The following SENP7 variants were observed in gnomAD, a reference collection of about 807,000 sequenced individuals.
SENP7 encodes the protein sentrin-specific protease 7.
Under a neutral mutation model 141.2 loss-of-function variants are expected in SENP7, and 64 were observed. The ratio of observed to expected loss-of-function variants is 0.45; its 90% CI spans 0.37 to 0.56. SENP7 has a LOEUF of 0.56. Among genes scored for constraint, SENP7 ranks in the 20% least tolerant of loss-of-function variants. The pLI is 0.00. For synonymous variants in SENP7, 382 were observed against 426.4 expected (o/e 0.90, Z 1.28); for missense variants, 1,025 against 1,212.2 (o/e 0.85, Z 2.29).
intron 11 of SENP7, 45 bp from the exon 12 acceptor site, chr3:101,351,696 T>C: frequency 1.6e-6 from 2 of 1,274,670 alleles, no homozygotes; most frequent in Non-Finnish European, 2.0e-6. Context: ...CCACTCAAAA[T>C]GTGTTACTAT....
At chr3:101,478,820 G>A (rs769161167) in intron 3 of SENP7, among the ~76,000 whole-genome samples, 19 of 152,008 alleles carry the variant, frequency 1.2e-4, no homozygotes, top group African/African-American at 2.2e-4. Context: ...ATAGCATACC[G>A]AATCCAAAAG....
chr3:101,482,294 C>T (rs2064522053), intron 3 of SENP7, among the ~76,000 whole-genome samples: 2 of 146,690 alleles, frequency 1.4e-5, no homozygotes, highest in South Asian at 4.3e-4. Context: ...GCCTGGGCGA[C>T]AGAGCGAGAC....
intron 11 of SENP7, among the ~76,000 whole-genome samples, chr3:101,353,610 A>G (rs775019852): frequency 1.3e-5 from 2 of 152,168 alleles, no homozygotes; most frequent in Middle Eastern, 3.4e-3. Context: ...AAAGCTAATA[A>G]TAAGAGCTAT....
chr3:101,463,986 A>G (rs1167529543), intron 3 of SENP7, among the ~76,000 whole-genome samples: 3 of 151,970 alleles, frequency 2.0e-5, no homozygotes, highest in African/African-American at 4.8e-5. Context: ...TACCATGCCC[A>G]GCTAATTTTT....
intron 4 of SENP7, among the ~76,000 whole-genome samples, chr3:101,445,705 A>G (rs2062864356): frequency 6.6e-6 from 1 of 152,222 alleles, no homozygotes; most frequent in South Asian, 2.1e-4. Flanking sequence ...TATATATCAC[A>G]CAAATGAAAA....
chr3:101,487,564 G>T (rs895206836), intron 3 of SENP7, among the ~76,000 whole-genome samples: 3 of 152,056 alleles, frequency 2.0e-5, no homozygotes, highest in African/African-American at 7.2e-5. Flanking sequence ...TATTTCCTAG[G>T]TATTTTTCCT....
At chr3:101,398,765 C>T in intron 6 of SENP7, 96 bp downstream of exon 6, 1 of 925,406 alleles carries the variant, frequency 1.1e-6, no homozygotes, top group Non-Finnish European at 1.6e-6. Context: ...AGCACATTTA[C>T]CTCACATTTA....
At chr3:101,331,091 C>A (rs999864770) in intron 19 of SENP7, among the ~76,000 whole-genome samples, 23 of 149,838 alleles carry the variant, frequency 1.5e-4, no homozygotes, top group Admixed American at 1.4e-3. Flanking sequence ...GCATAAATTC[C>A]TAGTCATGTT....
At position 101,507,510 on chromosome 3, in the gene SENP7, T is replaced by G. The variant is rs375704068; in HGVS notation, c.40+5581A>C. Among the ~76,000 whole-genome samples the G allele has an allele frequency of 1.3e-4, 20 of 152,302 alleles. 1 individual carries two copies. Among genetic ancestry groups the G allele is most frequent in the African/African-American group, 4.8e-4 (20 of 41,556 alleles). ...AAATTCTTTTCCAAAGTCAATACAG[T>G]TTCCTTAAATTTTGAATATTTTCCT... On this transcript the variant is annotated intron_variant, in intron 1 of 23. Coordinates refer to ENST00000394095, the MANE Select transcript of SENP7 (RefSeq NM_020654.5).
At chr3:101,416,960 T>C (rs1390337553) in intron 5 of SENP7, among the ~76,000 whole-genome samples, 2 of 152,134 alleles carry the variant, frequency 1.3e-5, no homozygotes, top group African/African-American at 4.8e-5. Flanking sequence ...ATAAAAGATA[T>C]TATGTTATAG....
intron 10 of SENP7, chr3:101,363,048 T>A (rs2059943040): frequency 3.1e-6 from 1 of 320,904 alleles, no homozygotes; most frequent in Admixed American, 6.5e-5. Flanking sequence ...ACTCCCCTCT[T>A]ACCTCTCGCA....
chr3:101,337,267 C>A (rs2059211966), intron 17 of SENP7: 1 of 263,876 alleles, frequency 3.8e-6, no homozygotes, highest in Admixed American at 5.5e-5. Flanking sequence ...TGCCCTCCAA[C>A]TTCCAGGATT....
chr3:101,486,252 C>A (rs568611546), intron 3 of SENP7, among the ~76,000 whole-genome samples: 3 of 152,246 alleles, frequency 2.0e-5, no homozygotes, highest in African/African-American at 7.2e-5. Context: ...ACAAGAAGTA[C>A]AAAGAACACC....
chr3:101,475,552 C>T (rs575501910), intron 3 of SENP7, among the ~76,000 whole-genome samples: 55 of 150,632 alleles, frequency 3.7e-4, no homozygotes, highest in East Asian at 1.6e-3. Flanking sequence ...GTCAGGGGGA[C>T]GAAGGGAAAA....
chr3:101,343,674 T>C lies in SENP7; in HGVS notation c.2106+12A>G. Reference sequence around the variant, plus strand: ...CCCCCTTCTCTGCCAATTATATTAATGATATGCTAACCTGAGATACTGATT... The same window carrying C: ...CCCCCTTCTCTGCCAATTATATTAACGATATGCTAACCTGAGATACTGATT... On this transcript the variant is annotated intron_variant, in intron 14 of 23. Coordinates refer to ENST00000394095, the MANE Select transcript of SENP7 (RefSeq NM_020654.5). 2 of 1,597,816 alleles carry C rather than the reference T, an allele frequency of 1.3e-6. No individual in the cohort carries two copies. The highest frequency in any genetic ancestry group is 1.1e-5 in the South Asian group (1 of 87,900).
chr3:101,512,087 T>G (rs1226738139), intron 1 of SENP7, among the ~76,000 whole-genome samples: 1 of 152,228 alleles, frequency 6.6e-6, no homozygotes, highest in Non-Finnish European at 1.5e-5. Context: ...CCCAAGGTGT[T>G]GGCATTACAG....
intron 6 of SENP7, among the ~76,000 whole-genome samples, chr3:101,390,342 G>GAAAAAA (rs375807905): frequency 7.6e-6 from 1 of 132,172 alleles, no homozygotes. Flanking sequence ...TACATTGACC[G>GAAAAAA]AAAAAAAAAA....
chr3:101,457,650 C>T (rs540913920), intron 4 of SENP7: 45 of 1,514,938 alleles, frequency 3.0e-5, no homozygotes, highest in African/African-American at 1.6e-4. Flanking sequence ...CTTCCTTCTA[C>T]GAGCAGTTCC....
intron 4 of SENP7, among the ~76,000 whole-genome samples, chr3:101,441,540 T>A: frequency 6.6e-6 from 1 of 152,202 alleles, no homozygotes; most frequent in South Asian, 2.1e-4. Context: ...CTACTCACCA[T>A]TGCCAATGCC....
Sources: gnomAD v4.1 joint callset for allele counts (sites outside exome capture counted in the v4.1 genomes callset) on GRCh38, gnomAD v4.1.1 for gene constraint, MANE v1.5 for transcripts, NCBI Gene and HGNC (gene_info 2026-07-23, HGNC 2026-07-21) for gene names.